The following CDC27 variants were observed in gnomAD, a reference collection of about 807,000 sequenced individuals.
The protein encoded by CDC27 is cell division cycle 27.
In CDC27, 27 loss-of-function variants were observed where a neutral mutation model predicts 109.7. The observed-to-expected ratio is 0.25, with a 90% CI of 0.18 to 0.34. CDC27 has a LOEUF of 0.34. Among genes scored for constraint, CDC27 ranks in the 10% least tolerant of loss-of-function variants. CDC27 has a pLI of 1.00. For missense variants in CDC27, 579 were observed against 960.2 expected (o/e 0.60, Z 5.25); for synonymous variants, 266 against 333.9 (o/e 0.80, Z 2.22).
chr17:47,138,848 C>T lies in CDC27; in HGVS notation c.1595G>A (p.Arg532Lys), dbSNP rs1237472834. The change falls in exon 13 of 19, where the codon AGA (arginine) becomes AAA (lysine). Residue 532 changes from arginine (R) to lysine (K), a missense_variant. Coordinates refer to ENST00000066544, the MANE Select transcript of CDC27 (RefSeq NM_001256.6). ...FSEVRRIENY[R>K]VEGMEIYSTT... The stretch of plus-strand genomic sequence containing the variant: ...AGAGTAGATCTCCATGCCTTCAACT[C>T]TATAATTCTCAATCCTTCTAACCTC... 10 of 1,604,508 alleles carry T rather than the reference C, an allele frequency of 6.2e-6. No individual in the cohort carries two copies. Among genetic ancestry groups the T allele is most frequent in the Admixed American group, 3.4e-5 (2 of 59,026 alleles).
chr17:47,167,063 C>T (rs774082297), intron 4 of CDC27, among the ~76,000 whole-genome samples: 8 of 152,234 alleles, frequency 5.3e-5, no homozygotes, highest in Non-Finnish European at 1.2e-4. Flanking sequence ...CCATGTTGGC[C>T]TGGCTGGTCT....
intron 15 of CDC27, among the ~76,000 whole-genome samples, chr17:47,130,314 CG>C (rs1742967046): frequency 6.6e-6 from 1 of 151,672 alleles, no homozygotes; most frequent in South Asian, 2.1e-4. Flanking sequence ...GAGCCAAGAT[CG>C]CGCCACTGCA....
chr17:47,128,395 G>A (rs887921748), intron 16 of CDC27, among the ~76,000 whole-genome samples: 1 of 152,100 alleles, frequency 6.6e-6, no homozygotes, highest in Admixed American at 6.6e-5. Flanking sequence ...CAAAAATCTC[G>A]TGTCTTTTTG....
intron 4 of CDC27, among the ~76,000 whole-genome samples, chr17:47,169,671 A>C (rs549906691): frequency 9.2e-5 from 14 of 152,022 alleles, no homozygotes; most frequent in Admixed American, 3.9e-4. Flanking sequence ...AAATAGAAAC[A>C]AACAAAAAAA....
intron 4 of CDC27, chr17:47,159,525 T>A: frequency 1.9e-6 from 1 of 514,658 alleles, no homozygotes. Flanking sequence ...CCTGTCACCT[T>A]GCAAGGGACG....
At chr17:47,149,791 C>T (rs1390684188) in intron 9 of CDC27, among the ~76,000 whole-genome samples, 1 of 151,642 alleles carries the variant, frequency 6.6e-6, no homozygotes, top group African/African-American at 2.4e-5. Context: ...CCTGTCTCTA[C>T]TAAAAATACA....
intron 12 of CDC27, among the ~76,000 whole-genome samples, chr17:47,141,185 C>T (rs376994143): frequency 5.9e-5 from 9 of 151,904 alleles, no homozygotes; most frequent in Non-Finnish European, 1.0e-4. Flanking sequence ...AAGCAAAAAA[C>T]GAATCATATC....
At chr17:47,172,121 T>C in intron 2 of CDC27, 57 bp from the exon 3 acceptor site, 4 of 1,160,302 alleles carry the variant, frequency 3.4e-6, no homozygotes, top group Non-Finnish European at 4.6e-6. Context: ...TGATAATCAG[T>C]TTATCATGCA....
At chr17:47,121,043 A>G (rs768372223) in intron 18 of CDC27, 26 bp from the exon 19 acceptor site, 6 of 1,498,744 alleles carry the variant, frequency 4.0e-6, no homozygotes, top group Non-Finnish European at 4.6e-6. Flanking sequence ...AGAAGTCCAC[A>G]GTAAGTTTTC....
chr17:47,176,746 G>A (rs1404666797), intron 2 of CDC27, among the ~76,000 whole-genome samples: 2 of 152,142 alleles, frequency 1.3e-5, no homozygotes, highest in Non-Finnish European at 2.9e-5. Context: ...GGTATCTTAG[G>A]TTAGATTTGA....
At chr17:47,123,402 C>CTTTTTTTTT (rs57868315) in intron 17 of CDC27, among the ~76,000 whole-genome samples, 1 of 123,002 alleles carries the variant, frequency 8.1e-6, no homozygotes, top group Non-Finnish European at 1.7e-5. Context: ...TTTTTTTCTA[C>CTTTTTTTTT]TTTTTTTTTT....
intron 2 of CDC27, among the ~76,000 whole-genome samples, chr17:47,180,120 T>A (rs964922956): frequency 2.0e-5 from 3 of 152,054 alleles, no homozygotes; most frequent in African/African-American, 7.2e-5. Flanking sequence ...AGAGTGAGAT[T>A]CTGACTCAAC....
intron 4 of CDC27, among the ~76,000 whole-genome samples, chr17:47,165,189 T>A (rs2063607753): frequency 1.3e-5 from 2 of 152,202 alleles, no homozygotes; most frequent in African/African-American, 4.8e-5. Context: ...AAGTAGTCCA[T>A]CATATGGACT....
intron 2 of CDC27, among the ~76,000 whole-genome samples, chr17:47,180,623 G>C (rs2064184207): frequency 6.8e-6 from 1 of 148,148 alleles, no homozygotes; most frequent in African/African-American, 2.5e-5. Flanking sequence ...AAAAAAAAAA[G>C]CTGTACACAA....
chr17:47,143,641 G>T, intron 10 of CDC27, among the ~76,000 whole-genome samples: 1 of 151,924 alleles, frequency 6.6e-6, no homozygotes, highest in Non-Finnish European at 1.5e-5. Flanking sequence ...GCCATTTCAA[G>T]ATTATTCCTA....
At chr17:47,153,145 C>T (rs1046026820) in intron 8 of CDC27, among the ~76,000 whole-genome samples, 14 of 152,226 alleles carry the variant, frequency 9.2e-5, no homozygotes, top group East Asian at 5.8e-4. Flanking sequence ...GAACTATGTA[C>T]ACTGCACTCA....
intron 4 of CDC27, chr17:47,159,562 C>A: frequency 2.1e-6 from 1 of 486,490 alleles, no homozygotes; most frequent in Non-Finnish European, 3.7e-6. Context: ...TCTTGTTCCC[C>A]CAGTAGCCTC....
chr17:47,162,061 C>T (rs1420308861), intron 4 of CDC27: 1 of 152,124 alleles, frequency 6.6e-6, no homozygotes, highest in Non-Finnish European at 1.5e-5. Flanking sequence ...CATCTTTTCT[C>T]CCCAAAATCT....
chr17:47,132,744 A>T (rs1018625502), intron 14 of CDC27, among the ~76,000 whole-genome samples: 8 of 47,918 alleles, frequency 1.7e-4, no homozygotes, highest in South Asian at 6.0e-4. Flanking sequence ...AAAGCAGTTT[A>T]TTATTATTAT....
Sources: allele counts gnomAD v4.1 joint callset (sites outside exome capture counted in the v4.1 genomes callset), GRCh38; gene constraint gnomAD v4.1.1; transcripts MANE v1.5; gene names NCBI Gene and HGNC (gene_info 2026-07-23, HGNC 2026-07-21).